The following KCNIP4 variants were observed in gnomAD, a reference collection of about 807,000 sequenced individuals.
KCNIP4 encodes potassium voltage-gated channel interacting protein 4, also known as Kv channel-interacting protein 4.
KCNIP4 carries 12 observed loss-of-function variants against 34.0 expected under a neutral mutation model. The ratio of observed to expected loss-of-function variants is 0.35; its 90% CI spans 0.23 to 0.57. The LOEUF is 0.57. Among genes scored for constraint, KCNIP4 ranks in the 20% least tolerant of loss-of-function variants. The pLI is 0.83. For missense variants in KCNIP4, 238 were observed against 311.7 expected, an observed-to-expected ratio of 0.76 and a Z score of 1.78; for synonymous variants, 124 against 102.2, an observed-to-expected ratio of 1.21 and a Z score of -1.29.
chr4:21,113,091 A>T (rs1749365314), intron 1 of KCNIP4, among the ~76,000 whole-genome samples: 1 of 152,216 alleles, frequency 6.6e-6, no homozygotes, highest in African/African-American at 2.4e-5. Flanking sequence ...TATTCTGCTG[A>T]GTCCAAATTT....
At chr4:21,467,073 A>ACACACAC (rs1730022810) in intron 1 of KCNIP4, among the ~76,000 whole-genome samples, 3 of 139,758 alleles carry the variant, frequency 2.1e-5, no homozygotes, top group Non-Finnish European at 3.1e-5. Flanking sequence ...AACCAAAACA[A>ACACACAC]ACACACACAC....
At chr4:21,663,797 T>C (rs1019739089) in intron 1 of KCNIP4, among the ~76,000 whole-genome samples, 1 of 152,232 alleles carries the variant, frequency 6.6e-6, no homozygotes, top group African/African-American at 2.4e-5. Context: ...TAGATCCTTA[T>C]ACAGCTTCCA....
intron 1 of KCNIP4, among the ~76,000 whole-genome samples, chr4:20,993,572 C>T (rs1442663021): frequency 1.3e-5 from 2 of 152,182 alleles, no homozygotes; most frequent in Non-Finnish European, 2.9e-5. Context: ...ACCTCAGCTT[C>T]AAATACAGAG....
Position 21,481,547 on chromosome 4 carries a change from C to T in KCNIP4, c.61+467024G>A, listed in dbSNP as rs545995403. On this transcript the variant is annotated intron_variant, in intron 1 of 8. Coordinates refer to ENST00000382152, the MANE Select transcript of KCNIP4 (RefSeq NM_025221.6). The stretch of plus-strand genomic sequence containing the variant: ...ATCCATGTCTAACAGATGTTTGGTG[C>T]AGTTTCGTGTGATATGCAAAACAAG... Among the ~76,000 whole-genome samples the T allele has an allele frequency of 2.0e-5, 3 of 152,254 alleles. No homozygotes were observed. In the South Asian group the frequency reaches 6.2e-4, roughly 32 times the overall value.
intron 1 of KCNIP4, among the ~76,000 whole-genome samples, chr4:21,006,935 CT>C (rs1349922859): frequency 1.3e-5 from 2 of 152,174 alleles, no homozygotes; most frequent in African/African-American, 4.8e-5. Context: ...TAAATTCTCT[CT>C]GTTCTTGAGG....
chr4:21,509,127 C>A (rs1416052250), intron 1 of KCNIP4, among the ~76,000 whole-genome samples: 1 of 152,112 alleles, frequency 6.6e-6, no homozygotes, highest in East Asian at 1.9e-4. Flanking sequence ...TATCATAATT[C>A]TGACTCATAA....
intron 1 of KCNIP4, among the ~76,000 whole-genome samples, chr4:21,049,597 T>A (rs2108943943): frequency 6.6e-6 from 1 of 152,334 alleles, no homozygotes; most frequent in Admixed American, 6.5e-5. Flanking sequence ...CTGGTCAAAT[T>A]TTGAAGACTG....
At chr4:21,549,765 G>T (rs1738420120) in intron 1 of KCNIP4, among the ~76,000 whole-genome samples, 4 of 151,998 alleles carry the variant, frequency 2.6e-5, no homozygotes, top group Admixed American at 2.6e-4. Flanking sequence ...TTGAAAAAGG[G>T]CAGTGGGGCA....
At chr4:21,007,210 C>T (rs995467422) in intron 1 of KCNIP4, among the ~76,000 whole-genome samples, 5 of 152,132 alleles carry the variant, frequency 3.3e-5, no homozygotes, top group African/African-American at 7.2e-5. Flanking sequence ...AGTCATCCAG[C>T]GTTGAAAGGC....
chr4:20,983,209 C>T (rs939742274), intron 1 of KCNIP4, among the ~76,000 whole-genome samples: 4 of 152,260 alleles, frequency 2.6e-5, no homozygotes, highest in South Asian at 2.1e-4. Flanking sequence ...AGTCCTGTCT[C>T]GTGTGTATGA....
intron 1 of KCNIP4, among the ~76,000 whole-genome samples, chr4:21,008,173 G>T (rs28583645): frequency 5.3e-5 from 8 of 152,144 alleles, no homozygotes; most frequent in Admixed American, 1.3e-4. Context: ...AACAAGCAAA[G>T]AAATCACATC....
chr4:21,730,099 A>G (rs981707064), intron 1 of KCNIP4: 1 of 152,118 alleles, frequency 6.6e-6, no homozygotes, highest in African/African-American at 2.4e-5. Flanking sequence ...GTGGGAGGTA[A>G]ATCTGGTTCC....
intron 1 of KCNIP4, among the ~76,000 whole-genome samples, chr4:21,305,844 T>G (rs11726974): frequency 0.32 from 48,774 of 152,122 alleles, 8,626 homozygotes; most frequent in Middle Eastern, 0.41. Flanking sequence ...TCATGGAAAC[T>G]TCAACCAGAA....
chr4:20,748,155 A>C (rs1167368823), intron 5 of KCNIP4, among the ~76,000 whole-genome samples: 1 of 152,032 alleles, frequency 6.6e-6, no homozygotes, highest in Non-Finnish European at 1.5e-5. Flanking sequence ...CATCTCCTAC[A>C]AGATAGTCCA....
In KCNIP4 at chr4:21,936,420, G is replaced by A. The variant is rs115465263; in HGVS notation, c.61+12151C>T. Among the ~76,000 whole-genome samples the A allele has an allele frequency of 8.4e-3, 1,285 of 152,186 alleles. 15 individuals are homozygous for A. Among genetic ancestry groups the A allele is most frequent in the African/African-American group, 0.029 (1,200 of 41,520 alleles). ...TGAGGTCTGCCCAGCCATGTAGAAC[G>A]TGAGTCAATTAAACCTCTTTCCTTT... On this transcript the variant is annotated intron_variant, in intron 1 of 8. Coordinates refer to ENST00000382152, the MANE Select transcript of KCNIP4 (RefSeq NM_025221.6).
chr4:20,745,266 T>C (rs576086090), intron 5 of KCNIP4, among the ~76,000 whole-genome samples: 1 of 152,282 alleles, frequency 6.6e-6, no homozygotes, highest in South Asian at 2.1e-4. Flanking sequence ...AACAAAAGTA[T>C]CCTGATTCAC....
At chr4:21,253,641 T>C (rs772697608) in intron 1 of KCNIP4, among the ~76,000 whole-genome samples, 1 of 152,194 alleles carries the variant, frequency 6.6e-6, no homozygotes, top group Non-Finnish European at 1.5e-5. Flanking sequence ...ACCTTGAAAA[T>C]AGATTCTTAA....
chr4:20,899,409 A>G (rs543182388), intron 1 of KCNIP4, among the ~76,000 whole-genome samples: 7 of 152,320 alleles, frequency 4.6e-5, no homozygotes, highest in Non-Finnish European at 1.0e-4. Context: ...AAACTGAGCC[A>G]GGAAAATCTA....
At chr4:21,409,275 TAA>T (rs72214909) in intron 1 of KCNIP4, among the ~76,000 whole-genome samples, 12 of 147,606 alleles carry the variant, frequency 8.1e-5, no homozygotes, top group East Asian at 4.0e-4. Flanking sequence ...TCTGGTTAAT[TAA>T]AAAAAAAAAA....
Sources: allele counts gnomAD v4.1 joint callset (sites outside exome capture counted in the v4.1 genomes callset), GRCh38; gene constraint gnomAD v4.1.1; transcripts MANE v1.5; gene names NCBI Gene and HGNC (gene_info 2026-07-23, HGNC 2026-07-21).